PHACTR2: variants seen among roughly 807,000 people sequenced by gnomAD.
The protein encoded by PHACTR2 is chromosome 6 open reading frame 56.
In PHACTR2, 30 loss-of-function variants were observed where a neutral mutation model predicts 76.0. The observed-to-expected ratio is 0.39, with a 90% CI of 0.30 to 0.54. The LOEUF (loss-of-function observed/expected upper bound fraction) is 0.54, where lower values mean the gene tolerates loss of function less well. Ranked by LOEUF, PHACTR2 falls within the 20% of genes least tolerant of loss-of-function variation. The pLI, the probability that PHACTR2 is intolerant of heterozygous loss-of-function variation, is 0.61. For missense variants in PHACTR2, 696 were observed against 781.1 expected, an observed-to-expected ratio of 0.89 and a Z score of 1.30; for synonymous variants, 292 against 292.5, an observed-to-expected ratio of 1.00 and a Z score of 0.02.
At position 143,541,708 on chromosome 6, in the gene PHACTR2, A is replaced by G. The variant is rs1299731228; in HGVS notation, c.217+4501A>G. Reference sequence around the variant, plus strand: ...GCTGAGTGGAAGTGAGAAATCTCGCATACCTCAATGTACTATCAGTTCATA... The same window carrying G: ...GCTGAGTGGAAGTGAGAAATCTCGCGTACCTCAATGTACTATCAGTTCATA... On this transcript the variant is annotated intron_variant, in intron 1 of 11. Coordinates refer to the PHACTR2 transcript ENST00000367584. This position sits in a 1 kb window ranked among gnomAD's most constrained non-coding sequence, Gnocchi z 5.3. 6.6e-6 allele frequency among the ~76,000 whole-genome samples: 1 copy of G among 152,182 alleles called. No homozygotes were observed. The highest frequency in any genetic ancestry group is 1.9e-4 in the East Asian group (1 of 5,196).
chr6:143,550,522 GT>G lies in PHACTR2; in HGVS notation c.217+13321del, dbSNP rs1042678217. 4.1e-4 allele frequency among the ~76,000 whole-genome samples: 62 copies of G among 152,072 alleles called. No homozygotes were observed. The highest frequency in any genetic ancestry group is 1.3e-3 in the African/African-American group (56 of 41,514). Reference sequence around the variant, plus strand: ...GGAGGGTGTCATGCTTTTTCATGAAGTTTTTTGATGAAGTATCTAAACTAAT... The same window carrying G: ...GGAGGGTGTCATGCTTTTTCATGAAGTTTTTGATGAAGTATCTAAACTAAT... On this transcript the variant is annotated intron_variant, in intron 1 of 11. Transcript: ENST00000367584. This position sits in a 1 kb window ranked among gnomAD's most constrained non-coding sequence, Gnocchi z 4.8.
At chr6:143,749,741 A>G (rs950414628) in intron 3 of PHACTR2, among the ~76,000 whole-genome samples, 5 of 152,178 alleles carry the variant, frequency 3.3e-5, no homozygotes, top group Non-Finnish European at 7.4e-5. Context: ...CAAGGATCAG[A>G]TAGAAACTGG....
At chr6:143,559,032 G>A (rs1333542468) in intron 1 of PHACTR2, among the ~76,000 whole-genome samples, 1 of 152,100 alleles carries the variant, frequency 6.6e-6, no homozygotes, top group Non-Finnish European at 1.5e-5. Context: ...AGCCCCCTCG[G>A]CCCATCTTTG....
chr6:143,812,852 G>A (rs553002953), intron 12 of PHACTR2, among the ~76,000 whole-genome samples: 19 of 152,204 alleles, frequency 1.2e-4, no homozygotes, highest in South Asian at 8.3e-4. Context: ...GCAAACAAAA[G>A]CCACTTCCTT....
chr6:143,662,902 C>T lies in PHACTR2; in HGVS notation c.14-49114C>T, dbSNP rs560013091. On this transcript the variant is annotated intron_variant, in intron 1 of 11. Coordinates refer to the PHACTR2 transcript ENST00000305766. This position sits in a 1 kb window ranked among gnomAD's most constrained non-coding sequence, Gnocchi z 4.7. Reference sequence around the variant, plus strand: ...TATAGTACACAGTGTCTATTGTTCTCATGTTTATGTCCATGTGTGCTCAAT... The same window carrying T: ...TATAGTACACAGTGTCTATTGTTCTTATGTTTATGTCCATGTGTGCTCAAT... 6.6e-6 allele frequency among the ~76,000 whole-genome samples: 1 copy of T among 152,262 alleles called. No homozygotes were observed. Among genetic ancestry groups the T allele is most frequent in the African/African-American group, 2.4e-5 (1 of 41,558 alleles).
At chr6:143,675,115 A>T (rs1425107183), upstream of PHACTR2, among the ~76,000 whole-genome samples, 1 of 152,178 alleles carries the variant, frequency 6.6e-6, no homozygotes, top group Non-Finnish European at 1.5e-5. The surrounding 1 kb of genome is among the most constrained non-coding windows in gnomAD (Gnocchi z 4.9). Flanking sequence ...GATAAGTACA[A>T]CTTTGTGTCA....
intron 1 of PHACTR2, among the ~76,000 whole-genome samples, chr6:143,657,017 A>C (rs1313850491): frequency 6.9e-6 from 1 of 145,974 alleles, no homozygotes; most frequent in Non-Finnish European, 1.5e-5. Flanking sequence ...CTCACTCATA[A>C]GTAGGAGTTG....
chr6:143,643,762 T>C (rs1342782989), intron 1 of PHACTR2, among the ~76,000 whole-genome samples: 1 of 152,230 alleles, frequency 6.6e-6, no homozygotes, highest in African/African-American at 2.4e-5. Context: ...GCTCTTTAGA[T>C]TGTTAAAATG....
chr6:143,667,271 G>A (rs1391202806), intron 1 of PHACTR2, among the ~76,000 whole-genome samples: 2 of 152,138 alleles, frequency 1.3e-5, no homozygotes, highest in Non-Finnish European at 2.9e-5. Context: ...TGCTGCTTTG[G>A]TTACTGTAGC....
rs1300386783 is a variant in PHACTR2, at chr6:143,543,845, G to T, written c.217+6638G>T. Reference sequence around the variant, plus strand: ...CAAGTTTGATATGGATATATTCTGAGTATATTCTGACATGAACACTGAAAG... The same window carrying T: ...CAAGTTTGATATGGATATATTCTGATTATATTCTGACATGAACACTGAAAG... On this transcript the variant is annotated intron_variant, in intron 1 of 11. Coordinates refer to the PHACTR2 transcript ENST00000367584. The surrounding 1 kb of genome is among the most constrained non-coding windows in gnomAD (Gnocchi z 4.7). Among the ~76,000 whole-genome samples, 1 of 152,182 alleles carries T rather than the reference G, an allele frequency of 6.6e-6. No homozygotes were observed. Among genetic ancestry groups the T allele is most frequent in the East Asian group, 1.9e-4 (1 of 5,196 alleles).
rs973125640 is a variant in PHACTR2 at position 143,800,496 on chromosome 6, C to T, written c.1846-6561C>T. Among the ~76,000 whole-genome samples, 7 of 152,106 alleles carry T rather than the reference C, an allele frequency of 4.6e-5. No individual in the cohort carries two copies. Among genetic ancestry groups the T allele is most frequent in the Non-Finnish European group, 8.8e-5 (6 of 68,026 alleles). ...CAGGATGGTCTCGATCTCCTGACTT[C>T]GTGATCTGCCTGCATCGGCCTCCCA... is the stretch of plus-strand genomic sequence containing the variant. On this transcript the variant is annotated intron_variant, in intron 11 of 12. Coordinates refer to ENST00000440869, the MANE Select transcript of PHACTR2 (RefSeq NM_001100164.2). This position sits in a 1 kb window ranked among gnomAD's most constrained non-coding sequence, Gnocchi z 4.8.
chr6:143,725,320 C>T (rs992691646), intron 2 of PHACTR2, among the ~76,000 whole-genome samples: 2 of 149,908 alleles, frequency 1.3e-5, no homozygotes, highest in African/African-American at 4.9e-5. Context: ...CCTGCCTCAG[C>T]CTCCCGAGTA....
chr6:143,701,256 T>A (rs1309411285), intron 1 of PHACTR2, among the ~76,000 whole-genome samples: 1 of 152,166 alleles, frequency 6.6e-6, no homozygotes, highest in African/African-American at 2.4e-5. Flanking sequence ...GATGGAAGTC[T>A]TTAGTAGCTT....
At position 143,627,525 on chromosome 6, in the gene PHACTR2, G is replaced by A. The variant is rs990103864; in HGVS notation, c.13+19203G>A. Among the ~76,000 whole-genome samples, 1 of 151,754 alleles carries A rather than the reference G, an allele frequency of 6.6e-6. No individual in the cohort carries two copies. Among genetic ancestry groups the A allele is most frequent in the East Asian group, 1.9e-4 (1 of 5,176 alleles). On this transcript the variant is annotated intron_variant, in intron 1 of 11. Transcript: ENST00000305766. This position sits in a 1 kb window ranked among gnomAD's most constrained non-coding sequence, Gnocchi z 4.3. ...TAATTTTTGTATTAAGGTGAGATTC[G>A]CATGACATAAAATTAACTATTTTGA...
rs1182770550 is a variant in PHACTR2, at chr6:143,712,146, A to G, written c.177A>G (p.Lys59=). 6.4e-7 allele frequency: 1 copy of G among 1,558,884 alleles called. No homozygotes were observed. Among genetic ancestry groups the G allele is most frequent in the Non-Finnish European group, 8.6e-7 (1 of 1,157,656 alleles). Reference sequence around the variant, plus strand: ...TCTTTAAGCCTTGGAAATGGAGGAAAAAGAAGACCAGCGACAAATTTAGAG... The same window carrying G: ...TCTTTAAGCCTTGGAAATGGAGGAAGAAGAAGACCAGCGACAAATTTAGAG... The part of the protein sequence containing the change: ...GKIFKPWKWR[K]KKTSDKFRET... The change falls in exon 2 of 13, where the codon AAA becomes AAG. Residue 59 remains lysine (K), a synonymous_variant. Transcript: ENST00000440869.
At chr6:143,661,468 A>G (rs1562262304) in intron 1 of PHACTR2, among the ~76,000 whole-genome samples, 1 of 152,120 alleles carries the variant, frequency 6.6e-6, no homozygotes, top group Non-Finnish European at 1.5e-5. Context: ...TAAATATATC[A>G]AAGTATAACA....
At position 143,616,917 on chromosome 6, in the gene PHACTR2, C is replaced by T. The variant is rs1309366855; in HGVS notation, c.13+8595C>T. ...CAAACACACACGCCCCCAGACAGGA[C>T]GTTGACTGGGATGTCTGAGCAACAA... On this transcript the variant is annotated intron_variant, in intron 1 of 11. Coordinates refer to the PHACTR2 transcript ENST00000305766. This position sits in a 1 kb window ranked among gnomAD's most constrained non-coding sequence, Gnocchi z 4.9. Among the ~76,000 whole-genome samples, 3 of 152,084 alleles carry T rather than the reference C, an allele frequency of 2.0e-5. No homozygotes were observed. Among genetic ancestry groups the T allele is most frequent in the Non-Finnish European group, 4.4e-5 (3 of 68,028 alleles).
At chr6:143,569,574 T>G (rs1225921302) in intron 1 of PHACTR2, among the ~76,000 whole-genome samples, 12 of 152,206 alleles carry the variant, frequency 7.9e-5, no homozygotes, top group Non-Finnish European at 1.0e-4. Flanking sequence ...TTTGATGTAT[T>G]TATATTATTT....
At chr6:143,655,180 AG>A (rs1776828916) in intron 1 of PHACTR2, among the ~76,000 whole-genome samples, 1 of 151,744 alleles carries the variant, frequency 6.6e-6, no homozygotes, top group Admixed American at 6.6e-5. Context: ...AAAAAGAAAA[AG>A]AAAAAAAAGA....
Sources: allele counts gnomAD v4.1 joint callset (sites outside exome capture counted in the v4.1 genomes callset), GRCh38; gene constraint gnomAD v4.1.1; non-coding constraint Gnocchi (gnomAD v3.1); transcripts MANE v1.5; gene names NCBI Gene and HGNC (gene_info 2026-07-23, HGNC 2026-07-21).